UTRN: variants seen among roughly 807,000 people sequenced by gnomAD.
UTRN encodes the protein dystrophin-related protein 1.
Under a neutral mutation model 463.9 loss-of-function variants are expected in UTRN, and 283 were observed. The observed-to-expected ratio is 0.61, with a 90% confidence interval of 0.55 to 0.67. The LOEUF (loss-of-function observed/expected upper bound fraction) is 0.67. UTRN is among the 30% of genes least tolerant of loss of function. The pLI, the probability that UTRN is intolerant of heterozygous loss-of-function variation, is 0.00. For synonymous variants in UTRN, 1,442 were observed against 1,431.5 expected (o/e 1.01, Z -0.17); for missense variants, 3,922 against 4,084.3 (o/e 0.96, Z 1.08).
intron 69 of UTRN, among the ~76,000 whole-genome samples, chr6:144,834,851 A>G (rs1317487548): frequency 6.6e-6 from 1 of 152,202 alleles, no homozygotes; most frequent in Non-Finnish European, 1.5e-5. Context: ...TGATAGCTAC[A>G]TAACTGACAT....
chr6:144,406,356 C>CTTT (rs57721924), intron 3 of UTRN, among the ~76,000 whole-genome samples: 67 of 125,538 alleles, frequency 5.3e-4, no homozygotes, highest in African/African-American at 1.2e-3. Flanking sequence ...TTTTTCTTTT[C>CTTT]TTTTTTTTTT....
chr6:144,765,829 T>G (rs1212063355), intron 58 of UTRN, among the ~76,000 whole-genome samples: 1 of 152,152 alleles, frequency 6.6e-6, no homozygotes, highest in East Asian at 1.9e-4. Flanking sequence ...GACTCTAAAC[T>G]TTTGCAGTAC....
intron 59 of UTRN, among the ~76,000 whole-genome samples, chr6:144,773,851 T>C (rs1382463942): frequency 6.6e-6 from 1 of 152,180 alleles, no homozygotes; most frequent in Non-Finnish European, 1.5e-5. Flanking sequence ...CTAGATTTTA[T>C]GGCTTGCTTT....
At chr6:144,414,510 ATAAAG>A (rs957909114) in intron 3 of UTRN, among the ~76,000 whole-genome samples, 5 of 152,350 alleles carry the variant, frequency 3.3e-5, no homozygotes, top group East Asian at 3.9e-4. Flanking sequence ...TGAAAAATTT[ATAAAG>A]TAATCTAAGG....
intron 23 of UTRN, among the ~76,000 whole-genome samples, chr6:144,463,806 C>CTA (rs1225324226): frequency 1.3e-5 from 2 of 151,382 alleles, no homozygotes; most frequent in African/African-American, 4.8e-5. Flanking sequence ...CTCTGTATAT[C>CTA]TATCTATCTA....
chr6:144,361,600 C>CT (rs968318807), intron 2 of UTRN, among the ~76,000 whole-genome samples: 6 of 151,600 alleles, frequency 4.0e-5, no homozygotes, highest in East Asian at 3.9e-4. Context: ...ATTTATTTAT[C>CT]TTTTTTAGAG....
chr6:144,452,112 T>A lies in UTRN; in HGVS notation c.2196+619T>A, dbSNP rs186098777. On this transcript the variant is annotated intron_variant, in intron 18 of 74. Coordinates refer to ENST00000367545, the MANE Select transcript of UTRN (RefSeq NM_007124.3). ...TCTAGTCTCCTGCCATCTTAAGAGG[T>A]AGCAAAAAATCAACTTGTAAAAAGT... Among the ~76,000 whole-genome samples the A allele has an allele frequency of 3.3e-5, 5 of 152,280 alleles. No individual in the cohort carries two copies. The East Asian group carries it at 9.6e-4, about 29-fold the overall frequency.
chr6:144,514,982 A>G, intron 37 of UTRN, among the ~76,000 whole-genome samples, 162 bp downstream of exon 37: 1 of 152,050 alleles, frequency 6.6e-6, no homozygotes, highest in East Asian at 1.9e-4. Flanking sequence ...GCTCACTGCA[A>G]CCTCCGCCTT....
intron 51 of UTRN, among the ~76,000 whole-genome samples, chr6:144,624,394 C>T (rs1437576655): frequency 6.6e-6 from 1 of 152,072 alleles, no homozygotes; most frequent in Non-Finnish European, 1.5e-5. Context: ...GGCACGACGA[C>T]AGTAAGAGCT....
chr6:144,476,124 A>G (rs1791169491), intron 25 of UTRN, among the ~76,000 whole-genome samples: 1 of 149,410 alleles, frequency 6.7e-6, no homozygotes, highest in African/African-American at 2.5e-5. Context: ...GGCTGAGGCA[A>G]AAGGATGGCT....
intron 52 of UTRN, among the ~76,000 whole-genome samples, chr6:144,692,387 A>T (rs1304236210): frequency 6.6e-6 from 1 of 152,188 alleles, no homozygotes; most frequent in Non-Finnish European, 1.5e-5. Flanking sequence ...AGAATGATTT[A>T]TATTCCTTTG....
chr6:144,327,776 C>T (rs936618425), intron 2 of UTRN, among the ~76,000 whole-genome samples: 1 of 151,928 alleles, frequency 6.6e-6, no homozygotes, highest in Non-Finnish European at 1.5e-5. Flanking sequence ...AACCCCGTCT[C>T]TACTAAAAAT....
At chr6:144,533,398 C>T in intron 43 of UTRN, 138 bp downstream of exon 43, 1 of 1,391,238 alleles carries the variant, frequency 7.2e-7, no homozygotes, top group Non-Finnish European at 9.5e-7. Context: ...CTCCACTGCC[C>T]ACGTTCTCCC....
intron 2 of UTRN, among the ~76,000 whole-genome samples, chr6:144,361,506 G>A: frequency 6.6e-6 from 1 of 152,276 alleles, no homozygotes; most frequent in African/African-American, 2.4e-5. Context: ...GGGAAGACCA[G>A]GTGGATCTAT....
At chr6:144,575,959 A>C (rs949981870) in intron 50 of UTRN, among the ~76,000 whole-genome samples, 9 of 152,112 alleles carry the variant, frequency 5.9e-5, no homozygotes, top group African/African-American at 9.7e-5. Flanking sequence ...TACTTTCTCT[A>C]TATATATGAA....
chr6:144,635,593 G>A (rs1314440738), intron 51 of UTRN, among the ~76,000 whole-genome samples: 8 of 119,822 alleles, frequency 6.7e-5, no homozygotes, highest in South Asian at 2.8e-4. Context: ...AGGCTGGAGT[G>A]CAGTGACACG....
intron 69 of UTRN, among the ~76,000 whole-genome samples, chr6:144,833,697 C>T (rs1780864138): frequency 1.3e-5 from 2 of 152,226 alleles, no homozygotes; most frequent in South Asian, 4.1e-4. Context: ...TCACCTCTCT[C>T]TTCACATGAA....
intron 51 of UTRN, among the ~76,000 whole-genome samples, chr6:144,647,241 T>C (rs1464107999): frequency 1.3e-5 from 2 of 152,184 alleles, no homozygotes; most frequent in Admixed American, 1.3e-4. Context: ...TTAAAGCCCA[T>C]AGGATTTATA....
chr6:144,839,368 C>A, intron 72 of UTRN, 84 bp downstream of exon 72: 1 of 1,103,054 alleles, frequency 9.1e-7, no homozygotes, highest in Non-Finnish European at 1.3e-6. Flanking sequence ...AGTAACATTC[C>A]TACACACTGG....
Sources: allele counts gnomAD v4.1 joint callset (sites outside exome capture counted in the v4.1 genomes callset), GRCh38; gene constraint gnomAD v4.1.1; transcripts MANE v1.5; gene names NCBI Gene and HGNC (gene_info 2026-07-23, HGNC 2026-07-21).